Variants in ANO5 observed in about 807,000 individuals in gnomAD.
The protein encoded by ANO5 is anoctamin 5, also known as anoctamin-5.
In ANO5, 109 loss-of-function variants were observed where a neutral mutation model predicts 121.0. That is an observed-to-expected ratio of 0.90 (90% confidence interval 0.77 to 1.06). The LOEUF is 1.06. Ranked by LOEUF, ANO5 falls within the 50% of genes least tolerant of loss-of-function variation. The pLI is 0.00. For missense variants in ANO5, 1,064 were observed against 1,078.5 expected (o/e 0.99, Z 0.19); for synonymous variants, 406 against 359.9 (o/e 1.13, Z -1.45).
Position 22,193,267 on chromosome 11 carries a change from C to G in ANO5, c.-226C>G. 8.7e-7 allele frequency: 1 copy of G among 1,153,224 alleles called. No homozygotes were observed. Among genetic ancestry groups the G allele is most frequent in the African/African-American group, 1.8e-5 (1 of 56,984 alleles). The allele number at this position is 1,153,224 out of a possible 1,614,324, so 71.4% of individuals were successfully genotyped here. ...TGGGGGACCGGGTCGAGTGGAAGTA[C>G]CCGCCGGAGAGGAAGGCCGGCTGGC... On this transcript the variant is annotated 5_prime_UTR_variant, in exon 1 of 22. Transcript: ENST00000324559.
intron 17 of ANO5, 150 bp from the exon 18 acceptor site, chr11:22,270,162 T>TG: frequency 1.0e-6 from 1 of 1,003,596 alleles, no homozygotes; most frequent in East Asian, 2.7e-5. Context: ...GATTTTGACT[T>TG]GCGCTTTGGC....
chr11:22,274,189 CACA>C (rs1564952427), intron 19 of ANO5, among the ~76,000 whole-genome samples: 5 of 151,022 alleles, frequency 3.3e-5, no homozygotes, highest in African/African-American at 1.2e-4. Flanking sequence ...CACACACACA[CACA>C]CCCGCAGTCC....
Position 22,272,866 on chromosome 11 carries a change from G to C in ANO5, c.2112G>C (p.Glu704Asp). The C allele has an allele frequency of 6.2e-7, 1 of 1,614,058 alleles. No individual in the cohort carries two copies. The highest frequency in any genetic ancestry group is 8.5e-7 in the Non-Finnish European group (1 of 1,180,004). The part of the protein sequence containing the change: ...PLLALINNIV[E>D]IRVDAWKLTT... ...TTGCTCTCATAAATAATATTGTAGAGATTCGAGTGGATGCCTGGAAACTTA... is the reference window on the plus strand; with the variant it reads ...TTGCTCTCATAAATAATATTGTAGACATTCGAGTGGATGCCTGGAAACTTA... The change falls in exon 19 of 22, where the codon GAG becomes GAC. Residue 704 changes from glutamate (E) to aspartate (D), a missense_variant. Physicochemically the swap from Glu to Asp is conservative, Grantham distance 45 (BLOSUM62 2). Transcript: ENST00000324559.
At chr11:22,255,008 T>C (rs953444652) in intron 12 of ANO5, among the ~76,000 whole-genome samples, 4 of 152,092 alleles carry the variant, frequency 2.6e-5, no homozygotes, top group Non-Finnish European at 2.9e-5. Context: ...AAGACTTGAA[T>C]GATTTCAATA....
At chr11:22,276,808 C>T (rs149239810) in intron 21 of ANO5, among the ~76,000 whole-genome samples, 3 of 151,498 alleles carry the variant, frequency 2.0e-5, no homozygotes, top group African/African-American at 7.3e-5. Context: ...AATCATAGGG[C>T]AAGAAGGCCT....
At chr11:22,222,693 C>G (rs1369018348) in intron 5 of ANO5, among the ~76,000 whole-genome samples, 1 of 143,774 alleles carries the variant, frequency 7.0e-6, no homozygotes, top group Non-Finnish European at 1.5e-5. Flanking sequence ...CCCAGTTGTA[C>G]TTGACAAAAT....
At chr11:22,253,391 T>C (rs947999845) in intron 12 of ANO5, among the ~76,000 whole-genome samples, 1 of 152,148 alleles carries the variant, frequency 6.6e-6, no homozygotes, top group Non-Finnish European at 1.5e-5. Context: ...ACTTCAGCAT[T>C]AACAAACTTT....
At chr11:22,205,978 A>G (rs994335542) in intron 2 of ANO5, among the ~76,000 whole-genome samples, 2 of 152,134 alleles carry the variant, frequency 1.3e-5, no homozygotes, top group Non-Finnish European at 2.9e-5. Flanking sequence ...TAATTTTTAA[A>G]TTCCCCTGAA....
chr11:22,224,950 T>A (rs187117963), intron 5 of ANO5, among the ~76,000 whole-genome samples: 3 of 151,484 alleles, frequency 2.0e-5, no homozygotes. Flanking sequence ...GAGGTAAAAA[T>A]GTGGATCTCA....
intron 7 of ANO5, among the ~76,000 whole-genome samples, chr11:22,233,970 C>G (rs1031983029): frequency 6.6e-6 from 1 of 151,930 alleles, no homozygotes; most frequent in Non-Finnish European, 1.5e-5. Flanking sequence ...GCTTTATCTT[C>G]AGGATAACAC....
At chr11:22,271,402 A>C (rs1854608415) in intron 18 of ANO5, among the ~76,000 whole-genome samples, 1 of 152,220 alleles carries the variant, frequency 6.6e-6, no homozygotes, top group African/African-American at 2.4e-5. Context: ...AGGATACATG[A>C]GATGAGCCAA....
At chr11:22,229,476 A>G (rs572458017) in intron 7 of ANO5, among the ~76,000 whole-genome samples, 8 of 151,970 alleles carry the variant, frequency 5.3e-5, no homozygotes, top group Non-Finnish European at 8.8e-5. Context: ...ATAAAGAGCA[A>G]ATGACATGGA....
At chr11:22,278,273 G>T (rs1854940383) in intron 21 of ANO5, among the ~76,000 whole-genome samples, 1 of 151,466 alleles carries the variant, frequency 6.6e-6, no homozygotes, top group African/African-American at 2.4e-5. Context: ...AACACTCATT[G>T]AGCCCCTTAG....
Position 22,265,652 on chromosome 11 carries a change from G to C in ANO5, c.1898+2609G>C, listed in dbSNP as rs575067801. Among the ~76,000 whole-genome samples the C allele has an allele frequency of 1.5e-4, 23 of 151,968 alleles. No homozygotes were observed. In the South Asian group the frequency reaches 1.9e-3, roughly 12 times the overall value. ...AAATGGAGAGAAATATCATGTTGGT[G>C]GTCAATTATCCCCAAATTGATATAT... On this transcript the variant is annotated intron_variant, in intron 17 of 21. Transcript: ENST00000324559.
At chr11:22,270,593 T>A in intron 18 of ANO5, 151 bp downstream of exon 18, 3 of 1,157,970 alleles carry the variant, frequency 2.6e-6, no homozygotes, top group Non-Finnish European at 3.7e-6. Flanking sequence ...ATAAAGAAAA[T>A]TTGTTCCCTA....
At chr11:22,267,791 C>T (rs1854427214) in intron 17 of ANO5, among the ~76,000 whole-genome samples, 1 of 152,122 alleles carries the variant, frequency 6.6e-6, no homozygotes, top group African/African-American at 2.4e-5. Context: ...TGATAGGCCC[C>T]AGTGTCTGCT....
Position 22,272,936 on chromosome 11 carries a change from G to A in ANO5, c.2182G>A (p.Gly728Ser). The A allele has an allele frequency of 1.2e-6, 2 of 1,614,054 alleles. No homozygotes were observed. Among genetic ancestry groups the A allele is most frequent in the South Asian group, 2.2e-5 (2 of 91,060 alleles). The change falls in exon 19 of 22, where the codon GGT (glycine) becomes AGT (serine). Residue 728 changes from glycine (G) to serine (S), a missense_variant. Physicochemically the swap from Gly to Ser is moderately conservative, Grantham distance 56. Coordinates refer to ENST00000324559, the MANE Select transcript of ANO5 (RefSeq NM_213599.3). ...TGTAGCTTCTAAAGCTCATAGCATA[G>A]GTGTTTGGCAAGACATTCTTTATGG... ...RTVASKAHSI[G>S]VWQDILYGMA...
rs1554924008 is a variant in ANO5 at position 22,225,987 on chromosome 11, A to G, written c.298A>G (p.Arg100Gly). The G allele has an allele frequency of 1.9e-6, 3 of 1,605,634 alleles. No individual in the cohort carries two copies. Among genetic ancestry groups the G allele is most frequent in the Non-Finnish European group, 2.6e-6 (3 of 1,173,038 alleles). The stretch of plus-strand genomic sequence containing the variant: ...TGTTGATTTTTTTTTGTCATAGGAA[A>G]GAAGAAAAGAGTTTGAAACTAATCT... ...VKKDAELKAE[R>G]RKEFETNLRK... The change falls in exon 6 of 22, where the codon AGA becomes GGA. Residue 100 changes from arginine (R) to glycine (G), a missense_variant. Transcript: ENST00000324559.
rs150171426 is a variant in ANO5, at chr11:22,275,784, G to A, written c.2415-310G>A. Among the ~76,000 whole-genome samples, 12 of 151,884 alleles carry A rather than the reference G, an allele frequency of 7.9e-5. No individual in the cohort carries two copies. In the East Asian group the frequency reaches 2.1e-3, roughly 27 times the overall value. On this transcript the variant is annotated intron_variant, in intron 20 of 21. Coordinates refer to ENST00000324559, the MANE Select transcript of ANO5 (RefSeq NM_213599.3). Reference sequence around the variant, plus strand: ...AGAAGGAAAGGACTGGGAGTGTTAAGGAAGTGGGAAAAGAGGAAGTGGAAG... The same window carrying A: ...AGAAGGAAAGGACTGGGAGTGTTAAAGAAGTGGGAAAAGAGGAAGTGGAAG...
Sources: gnomAD v4.1 joint callset for allele counts (sites outside exome capture counted in the v4.1 genomes callset) on GRCh38, gnomAD v4.1.1 for gene constraint, MANE v1.5 for transcripts, NCBI Gene and HGNC (gene_info 2026-07-23, HGNC 2026-07-21) for gene names.